Variants in DPP6 observed in about 807,000 individuals in gnomAD.
The protein encoded by DPP6 is A-type potassium channel modulatory protein DPP6.
In DPP6, 69 loss-of-function variants were observed where a neutral mutation model predicts 122.6. The observed-to-expected ratio is 0.56, with a 90% CI of 0.46 to 0.69. The LOEUF (loss-of-function observed/expected upper bound fraction) is 0.69. DPP6 is among the 30% of genes least tolerant of loss of function. The pLI is 0.00. For synonymous variants in DPP6, 418 were observed against 433.1 expected (o/e 0.97, Z 0.43); for missense variants, 928 against 1,116.9 (o/e 0.83, Z 2.41).
chr7:154,212,992 A>AT (rs1799818141), intron 1 of DPP6, among the ~76,000 whole-genome samples: 1 of 152,226 alleles, frequency 6.6e-6, no homozygotes, highest in South Asian at 2.1e-4. Context: ...GAACAAGGGC[A>AT]TTGGAGCACA....
intron 1 of DPP6, among the ~76,000 whole-genome samples, chr7:154,433,371 A>C (rs1818605003): frequency 6.7e-6 from 1 of 149,792 alleles, no homozygotes; most frequent in Non-Finnish European, 1.5e-5. Flanking sequence ...GTTTCAACCT[A>C]TTGGCCAGGC....
At chr7:154,330,863 G>A (rs1033721136) in intron 1 of DPP6, among the ~76,000 whole-genome samples, 1 of 152,158 alleles carries the variant, frequency 6.6e-6, no homozygotes, top group Non-Finnish European at 1.5e-5. Flanking sequence ...TCCACTCCCC[G>A]AAGGCAGGGC....
intron 1 of DPP6, among the ~76,000 whole-genome samples, chr7:154,164,115 G>A (rs994902324): frequency 7.2e-5 from 11 of 151,918 alleles, no homozygotes; most frequent in Admixed American, 2.0e-4. Flanking sequence ...TCAGGTCTTG[G>A]GCCATCGTGT....
intron 1 of DPP6, among the ~76,000 whole-genome samples, chr7:154,003,164 A>G (rs1353123837): frequency 2.0e-5 from 3 of 152,216 alleles, no homozygotes; most frequent in African/African-American, 4.8e-5. Flanking sequence ...TGCTGGTTTT[A>G]CAAGAACTGC....
At chr7:154,794,393 T>A (rs1186381874) in intron 11 of DPP6, among the ~76,000 whole-genome samples, 191 bp downstream of exon 11, 2 of 152,182 alleles carry the variant, frequency 1.3e-5, no homozygotes, top group Non-Finnish European at 2.9e-5. Context: ...GTGCAGGCGC[T>A]GCCGCAGACC....
chr7:154,676,185 G>T (rs1191426471), intron 7 of DPP6, among the ~76,000 whole-genome samples: 3 of 150,880 alleles, frequency 2.0e-5, no homozygotes. Context: ...CCGGGCTACA[G>T]CCTTGCAGCG....
chr7:154,320,084 TAAGAA>T (rs534939490), intron 1 of DPP6, among the ~76,000 whole-genome samples: 2 of 151,208 alleles, frequency 1.3e-5, no homozygotes, highest in East Asian at 3.9e-4. Context: ...CTTTAAAAAT[TAAGAA>T]GAAACAGATG....
intron 5 of DPP6, among the ~76,000 whole-genome samples, chr7:154,609,600 T>A (rs1833783291): frequency 6.6e-6 from 1 of 152,146 alleles, no homozygotes; most frequent in African/African-American, 2.4e-5. Context: ...TGCACACACA[T>A]ATACTTTTAC....
intron 5 of DPP6, among the ~76,000 whole-genome samples, chr7:154,623,262 G>T (rs1454248514): frequency 6.6e-6 from 1 of 152,154 alleles, no homozygotes; most frequent in Non-Finnish European, 1.5e-5. Flanking sequence ...TGCACTAAAT[G>T]CCTGCTACTG....
At chr7:154,304,160 A>G (rs922531220) in intron 1 of DPP6, among the ~76,000 whole-genome samples, 12 of 152,212 alleles carry the variant, frequency 7.9e-5, no homozygotes, top group Non-Finnish European at 1.6e-4. Context: ...CCAAGTGCCA[A>G]TGGGTGAAAG....
chr7:154,678,021 A>T (rs1008550324), intron 7 of DPP6, among the ~76,000 whole-genome samples: 1 of 152,146 alleles, frequency 6.6e-6, no homozygotes, highest in African/African-American at 2.4e-5. Flanking sequence ...GTAAAAACAC[A>T]CCAATCAGAG....
chr7:154,102,473 G>A (rs1262261874), intron 1 of DPP6, among the ~76,000 whole-genome samples: 1 of 152,184 alleles, frequency 6.6e-6, no homozygotes, highest in Non-Finnish European at 1.5e-5. Flanking sequence ...ACAGGCATGA[G>A]CCACTGTGCC....
intron 7 of DPP6, among the ~76,000 whole-genome samples, chr7:154,700,194 G>T (rs1279743246): frequency 1.3e-5 from 2 of 152,180 alleles, no homozygotes; most frequent in Non-Finnish European, 2.9e-5. Flanking sequence ...ACAAAGAGTG[G>T]TTACTATTTT....
chr7:153,879,845 C>T, the DPP6 span, among the ~76,000 whole-genome samples: 2 of 152,024 alleles, frequency 1.3e-5, no homozygotes, highest in African/African-American at 4.8e-5. Flanking sequence ...ATTTCCTAGT[C>T]GATATAGTTT....
intron 17 of DPP6, among the ~76,000 whole-genome samples, chr7:154,867,323 C>T (rs547719325): frequency 9.2e-5 from 14 of 152,144 alleles, no homozygotes; most frequent in Non-Finnish European, 1.9e-4. Flanking sequence ...ATAACGAGGA[C>T]GTGTGTGTGC....
chr7:154,160,287 C>G (rs554812325), intron 1 of DPP6, among the ~76,000 whole-genome samples: 6 of 152,226 alleles, frequency 3.9e-5, no homozygotes, highest in Non-Finnish European at 8.8e-5. Flanking sequence ...ATAAATGGAG[C>G]CACAGTCCTC....
At chr7:154,667,682 A>G (rs1458738176) in intron 6 of DPP6, among the ~76,000 whole-genome samples, 1 of 152,216 alleles carries the variant, frequency 6.6e-6, no homozygotes, top group Admixed American at 6.5e-5. Flanking sequence ...GAGGTCTGCC[A>G]CTGCACTCCA....
chr7:154,391,972 G>A (rs1249244628), intron 1 of DPP6, among the ~76,000 whole-genome samples: 2 of 152,132 alleles, frequency 1.3e-5, no homozygotes, highest in Non-Finnish European at 2.9e-5. Flanking sequence ...GAGATTCCAT[G>A]TCAGAAAATG....
At chr7:153,835,268 A>G in the DPP6 span, among the ~76,000 whole-genome samples, 3 of 152,224 alleles carry the variant, frequency 2.0e-5, no homozygotes, top group South Asian at 2.1e-4. Context: ...GTGAACAGTT[A>G]GAGGAAGCAT....
Sources: gnomAD v4.1 joint callset for allele counts (sites outside exome capture counted in the v4.1 genomes callset) on GRCh38, gnomAD v4.1.1 for gene constraint, MANE v1.5 for transcripts, NCBI Gene and HGNC (gene_info 2026-07-23, HGNC 2026-07-21) for gene names.